RNF43: variants seen among roughly 807,000 people sequenced by gnomAD.
RNF43 encodes the protein ring finger protein 43.
In RNF43, 37 loss-of-function variants were observed where a neutral mutation model predicts 78.4. The observed-to-expected ratio is 0.47, with a 90% CI of 0.36 to 0.62. The LOEUF (loss-of-function observed/expected upper bound fraction) is 0.62, where lower values mean the gene tolerates loss of function less well. RNF43 is among the 20% of genes least tolerant of loss of function. RNF43 has a pLI of 0.00. For missense variants in RNF43, 774 were observed against 1,007.9 expected (o/e 0.77, Z 3.14); for synonymous variants, 347 against 395.0 (o/e 0.88, Z 1.44).
downstream of RNF43, chr17:58,353,568 C>T (rs1473157646): frequency 1.4e-5 from 3 of 207,726 alleles, no homozygotes; most frequent in South Asian, 1.9e-4. Context: ...TGAATCGGAG[C>T]CTAGCCTCTG....
intron 2 of RNF43, among the ~76,000 whole-genome samples, chr17:58,385,770 A>C (rs575329535): frequency 5.3e-5 from 8 of 152,264 alleles, no homozygotes; most frequent in African/African-American, 1.7e-4. Flanking sequence ...TTTCAACTCT[A>C]TCTCTTCCAA....
intron 2 of RNF43, among the ~76,000 whole-genome samples, chr17:58,373,216 G>A (rs1376420142): frequency 3.3e-5 from 5 of 152,168 alleles, no homozygotes; most frequent in South Asian, 2.1e-4. Context: ...CCAGAGGGTC[G>A]CCTGGGAGAG....
chr17:58,357,656 T>G lies in RNF43; in HGVS notation c.2120A>C (p.Asp707Ala). ...HPLICGPPGL[D>A]KRLLPETPGP... ...TGGGGTTTCTGGTAGCAGCCTCTTG[T>G]CCAGGCCTGGAGGTCCACAGATCAA... Residue 707 changes from aspartate to alanine, a missense_variant, in exon 9 of 10, where the codon GAC becomes GCC. Coordinates refer to ENST00000407977, the MANE Select transcript of RNF43 (RefSeq NM_017763.6). The surrounding 1 kb of genome is among the most constrained non-coding windows in gnomAD (Gnocchi z 4.5). The G allele has an allele frequency of 6.2e-7, 1 of 1,613,616 alleles. No homozygotes were observed. The highest frequency in any genetic ancestry group is 8.5e-7 in the Non-Finnish European group (1 of 1,179,750).
rs2143427973 is a variant in RNF43, at chr17:58,358,794, G to A, written c.982C>T (p.Pro328Ser). The part of the protein sequence containing the change: ...EGDSFSQSLG[P>S]SRSYQEPGRR... ...CCTGGTTCTTGGTAAGATCGAGAGG[G>A]TCCCAGGGACTGGGAAAATGAATCT... The change falls in exon 9 of 10, where the codon CCC becomes TCC. Residue 328 changes from proline (P) to serine (S), a missense_variant. Pro to Ser is a moderately conservative substitution (Grantham distance 74). Transcript: ENST00000407977. This position sits in a 1 kb window ranked among gnomAD's most constrained non-coding sequence, Gnocchi z 6.2. The A allele has an allele frequency of 6.5e-7, 1 of 1,533,272 alleles. No homozygotes were observed. The highest frequency in any genetic ancestry group is 2.4e-5 in the East Asian group (1 of 41,938). 95.0% of individuals were successfully genotyped at this position (1,533,272 alleles called of 1,614,324 possible).
At chr17:58,369,835 C>T (rs1192180523) in intron 3 of RNF43, among the ~76,000 whole-genome samples, 2 of 152,196 alleles carry the variant, frequency 1.3e-5, no homozygotes, top group East Asian at 3.8e-4. Context: ...CCCATGTCCA[C>T]ATGGCACATT....
intron 2 of RNF43, among the ~76,000 whole-genome samples, chr17:58,397,807 T>C (rs990024226): frequency 5.3e-5 from 8 of 152,160 alleles, no homozygotes; most frequent in Admixed American, 2.6e-4. Context: ...ATGTTATTCA[T>C]CTCTTGAAAC....
At chr17:58,404,654 G>T (rs189889080) in intron 2 of RNF43, among the ~76,000 whole-genome samples, 18 of 152,246 alleles carry the variant, frequency 1.2e-4, no homozygotes, top group African/African-American at 4.3e-4. Flanking sequence ...ACACATTTAT[G>T]ACTAAAGTCA....
Position 58,415,543 on chromosome 17 carries a change from A to T in RNF43, c.35T>A (p.Leu12His), listed in dbSNP as rs755804930. 2 of 1,610,432 alleles carry T rather than the reference A, an allele frequency of 1.2e-6. No individual in the cohort carries two copies. The highest frequency in any genetic ancestry group is 2.2e-5 in the South Asian group (2 of 91,090). Residue 12 changes from leucine to histidine, a missense_variant, in exon 2 of 10, where the codon CTC becomes CAC. Physicochemically the swap from Leu to His is moderately conservative, Grantham distance 99. Coordinates refer to ENST00000407977, the MANE Select transcript of RNF43 (RefSeq NM_017763.6). ...GGTAGCCATCAGCAGCCAGGGCCAG[A>T]GGGCAGCCAGCTGCAGCTGGTGGCC... The part of the protein sequence containing the change: ...SGGHQLQLAA[L>H]WPWLLMATLQ...
At chr17:58,371,241 G>T (rs1973090239) in intron 2 of RNF43, among the ~76,000 whole-genome samples, 1 of 152,204 alleles carries the variant, frequency 6.6e-6, no homozygotes, top group Non-Finnish European at 1.5e-5. Context: ...CACAGGTAGT[G>T]GAGGCAGATA....
At chr17:58,404,201 C>T (rs951232045) in intron 2 of RNF43, among the ~76,000 whole-genome samples, 1 of 152,038 alleles carries the variant, frequency 6.6e-6, no homozygotes. Flanking sequence ...TTTTCTATCA[C>T]CTACCAAACA....
At chr17:58,376,631 C>G (rs1019841545) in intron 2 of RNF43, among the ~76,000 whole-genome samples, 1 of 152,170 alleles carries the variant, frequency 6.6e-6, no homozygotes, top group African/African-American at 2.4e-5. Flanking sequence ...AGCCAGGAAG[C>G]GGGCTCTTGA....
chr17:58,370,060 GT>G (rs56372311), intron 3 of RNF43, among the ~76,000 whole-genome samples: 52 of 96,262 alleles, frequency 5.4e-4, no homozygotes, highest in Non-Finnish European at 6.3e-4. Context: ...GAAAATCTGA[GT>G]TTTTTTTTTT....
chr17:58,413,638 C>A (rs1421071255), intron 2 of RNF43, among the ~76,000 whole-genome samples: 2 of 151,894 alleles, frequency 1.3e-5, no homozygotes, highest in East Asian at 1.9e-4. Flanking sequence ...GTGAGAAAAA[C>A]GATAGAACAA....
rs546389107 is a variant in RNF43, at chr17:58,360,354, C to T, written c.850-103G>A. On this transcript the variant is annotated intron_variant, in intron 7 of 9. Coordinates refer to ENST00000407977, the MANE Select transcript of RNF43 (RefSeq NM_017763.6). This position sits in a 1 kb window ranked among gnomAD's most constrained non-coding sequence, Gnocchi z 4.3. ...CCCTTAGGCCTCTCCTTGCTATTAT[C>T]TACTTGTAAAAGACCTCACAGTAGA... 1.3e-5 allele frequency: 10 copies of T among 794,272 alleles called. No homozygotes were observed. The African/African-American group carries it at 1.4e-4, about 11-fold the overall frequency. 49.2% of individuals were successfully genotyped at this position (794,272 alleles called of 1,614,324 possible). A position where few individuals can be genotyped will look rare whatever the true frequency, so the allele number is the denominator to read the frequency against.
rs1326236348 is a variant in RNF43, at chr17:58,357,428, C to A, written c.2308+40G>T. The A allele has an allele frequency of 6.2e-7, 1 of 1,613,532 alleles. No individual in the cohort carries two copies. Among genetic ancestry groups the A allele is most frequent in the South Asian group, 1.1e-5 (1 of 91,070 alleles). On this transcript the variant is annotated intron_variant, in intron 9 of 9. Coordinates refer to ENST00000407977, the MANE Select transcript of RNF43 (RefSeq NM_017763.6). This position sits in a 1 kb window ranked among gnomAD's most constrained non-coding sequence, Gnocchi z 4.5. The stretch of plus-strand genomic sequence containing the variant: ...CTGTCCTGAAATATTCAGCTGTAGT[C>A]TCCTCTCCCTACCACACCCACTTCC...
At position 58,392,987 on chromosome 17, in the gene RNF43, G is replaced by A. The variant is rs531979487; in HGVS notation, c.253-21954C>T. On this transcript the variant is annotated intron_variant, in intron 2 of 9. Transcript: ENST00000407977. ...AACACAGGTTTGAACTGCGTGGATT[G>A]TCTTCTGCCTCTGACACCCCTGAAA... 3.3e-5 allele frequency among the ~76,000 whole-genome samples: 5 copies of A among 152,306 alleles called. No homozygotes were observed. In the South Asian group the frequency reaches 1.0e-3, roughly 32 times the overall value.
At position 58,358,890 on chromosome 17, in the gene RNF43, A is replaced by G; in HGVS notation, c.953-67T>C. The G allele has an allele frequency of 7.1e-6, 10 of 1,399,746 alleles. No homozygotes were observed. Among genetic ancestry groups the G allele is most frequent in the Non-Finnish European group, 9.4e-6 (10 of 1,069,336 alleles). 86.7% of individuals were successfully genotyped at this position (1,399,746 alleles called of 1,614,324 possible). A position where few individuals can be genotyped will look rare whatever the true frequency, so the allele number is the denominator to read the frequency against. ...ACCTACAGAGAATGCATTCAGAAAGACATGGCTGTAGCTAATCTATTTGAC... is the reference window on the plus strand; with the variant it reads ...ACCTACAGAGAATGCATTCAGAAAGGCATGGCTGTAGCTAATCTATTTGAC... On this transcript the variant is annotated intron_variant, in intron 8 of 9. Coordinates refer to ENST00000407977, the MANE Select transcript of RNF43 (RefSeq NM_017763.6). This position sits in a 1 kb window ranked among gnomAD's most constrained non-coding sequence, Gnocchi z 6.2.
At chr17:58,366,669 GTGTC>G (rs1160279879) in intron 3 of RNF43, among the ~76,000 whole-genome samples, 2 of 152,094 alleles carry the variant, frequency 1.3e-5, no homozygotes, top group Admixed American at 6.5e-5. Context: ...TCACTACTCT[GTGTC>G]TGTTGTTTTT....
chr17:58,395,233 G>C (rs1315039180), intron 2 of RNF43, among the ~76,000 whole-genome samples: 1 of 152,182 alleles, frequency 6.6e-6, no homozygotes, highest in Non-Finnish European at 1.5e-5. Flanking sequence ...ATGACTTTGA[G>C]ACAGCCAAAT....
Sources: gnomAD v4.1 joint callset for allele counts (sites outside exome capture counted in the v4.1 genomes callset) on GRCh38, gnomAD v4.1.1 for gene constraint, Gnocchi (gnomAD v3.1) non-coding constraint, MANE v1.5 for transcripts, NCBI Gene and HGNC (gene_info 2026-07-23, HGNC 2026-07-21) for gene names.